Variants in IMMP2L observed in about 807,000 individuals in gnomAD.
The protein encoded by IMMP2L is inner mitochondrial membrane peptidase subunit 2.
Under a neutral mutation model 19.3 loss-of-function variants are expected in IMMP2L, and 18 were observed. The ratio of observed to expected loss-of-function variants is 0.93; its 90% CI spans 0.64 to 1.38. The LOEUF is 1.38. Ranked by LOEUF, IMMP2L falls within the 40% of genes most tolerant of loss-of-function variation. IMMP2L has a pLI of 0.00. For missense variants in IMMP2L, 233 were observed against 218.2 expected (o/e 1.07, Z -0.43); for synonymous variants, 76 against 73.0 (o/e 1.04, Z -0.21).
intron 5 of IMMP2L, among the ~76,000 whole-genome samples, chr7:110,821,669 T>C (rs577216606): frequency 1.4e-4 from 22 of 152,044 alleles, no homozygotes; most frequent in Admixed American, 1.4e-3. Context: ...TCCCAGCACT[T>C]TGGGAGGCCG....
At chr7:110,887,109 G>A (rs1036683242) in intron 4 of IMMP2L, among the ~76,000 whole-genome samples, 12 of 151,068 alleles carry the variant, frequency 7.9e-5, no homozygotes, top group African/African-American at 1.7e-4. Flanking sequence ...CATTTTTTTC[G>A]GTCAAACTTC....
Position 110,997,579 on chromosome 7 carries a change from C to T in IMMP2L, c.240-34014G>A, listed in dbSNP as rs190732582. On this transcript the variant is annotated intron_variant, in intron 3 of 5. Coordinates refer to ENST00000405709, the MANE Select transcript of IMMP2L (RefSeq NM_032549.4). ...TTCTAATAGCTGTGTAGTGATATCT[C>T]ATTGTTTTTAATTTGCATTTCCTTA... Among the ~76,000 whole-genome samples the T allele has an allele frequency of 9.2e-5, 14 of 152,196 alleles. No individual in the cohort carries two copies. The East Asian group carries it at 2.7e-3, about 29-fold the overall frequency.
At chr7:110,892,547 G>C (rs916567505) in intron 4 of IMMP2L, among the ~76,000 whole-genome samples, 5 of 152,002 alleles carry the variant, frequency 3.3e-5, no homozygotes, top group African/African-American at 1.2e-4. Context: ...TCAATTTTCA[G>C]AGGGCTAAAG....
chr7:111,275,471 T>C (rs1361049934), intron 3 of IMMP2L, among the ~76,000 whole-genome samples: 1 of 152,136 alleles, frequency 6.6e-6, no homozygotes, highest in Non-Finnish European at 1.5e-5. Flanking sequence ...CAAAAACAGT[T>C]GTGGGGGACT....
intron 3 of IMMP2L, among the ~76,000 whole-genome samples, chr7:111,148,493 A>G (rs1266364641): frequency 6.6e-6 from 1 of 152,108 alleles, no homozygotes; most frequent in Non-Finnish European, 1.5e-5. Flanking sequence ...TACGTACATT[A>G]AAAGTGTGAA....
At chr7:110,838,396 C>T (rs938406819) in intron 5 of IMMP2L, among the ~76,000 whole-genome samples, 2 of 152,168 alleles carry the variant, frequency 1.3e-5, no homozygotes, top group Non-Finnish European at 2.9e-5. Flanking sequence ...TTATAGGTTG[C>T]TATGGTTTGA....
chr7:111,418,918 T>G lies in IMMP2L; in HGVS notation c.239+68320A>C, dbSNP rs940488124. Among the ~76,000 whole-genome samples, 19 of 151,982 alleles carry G rather than the reference T, an allele frequency of 1.3e-4. 1 individual carries two copies. The highest frequency in any genetic ancestry group is 4.6e-4 in the African/African-American group (19 of 41,294). ...CCTAAGTTTTCTTTGATTTACAGTT[T>G]ATTTCATACTCTTTATATTTCATTA... On this transcript the variant is annotated intron_variant, in intron 3 of 5. Transcript: ENST00000405709.
chr7:111,095,865 T>C (rs1797345986), intron 3 of IMMP2L, among the ~76,000 whole-genome samples: 1 of 151,976 alleles, frequency 6.6e-6, no homozygotes, highest in Admixed American at 6.6e-5. Flanking sequence ...AATAAATATA[T>C]TATCAGGACA....
Position 111,286,481 on chromosome 7 carries a change from C to T in IMMP2L, c.239+200757G>A, listed in dbSNP as rs562284266. On this transcript the variant is annotated intron_variant, in intron 3 of 5. Transcript: ENST00000405709. ...CAATTCTCAAAGGGCCAAAACTCTACGATGATGTGGCTTGAATTAAAAGAA... is the reference window on the plus strand; with the variant it reads ...CAATTCTCAAAGGGCCAAAACTCTATGATGATGTGGCTTGAATTAAAAGAA... Among the ~76,000 whole-genome samples the T allele has an allele frequency of 2.6e-5, 4 of 152,176 alleles. No homozygotes were observed. In the East Asian group the frequency reaches 5.8e-4, roughly 22 times the overall value.
At chr7:110,796,698 T>C (rs1800884955) in intron 5 of IMMP2L, among the ~76,000 whole-genome samples, 1 of 152,004 alleles carries the variant, frequency 6.6e-6, no homozygotes, top group South Asian at 2.1e-4. Flanking sequence ...AGATTTCACA[T>C]ACCAACAAAA....
At chr7:111,111,942 G>GTTTGTT (rs1799264812) in intron 3 of IMMP2L, among the ~76,000 whole-genome samples, 1 of 84,126 alleles carries the variant, frequency 1.2e-5, no homozygotes, top group African/African-American at 5.0e-5. Flanking sequence ...TATATAGTTT[G>GTTTGTT]TTTTTTTTTT....
intron 3 of IMMP2L, among the ~76,000 whole-genome samples, chr7:111,172,045 C>A (rs536082494): frequency 2.0e-5 from 3 of 151,220 alleles, no homozygotes; most frequent in South Asian, 2.1e-4. Context: ...TAATCTCAAT[C>A]AAAAAAGTAG....
At chr7:111,450,084 T>C (rs1018328357) in intron 3 of IMMP2L, among the ~76,000 whole-genome samples, 10 of 151,828 alleles carry the variant, frequency 6.6e-5, no homozygotes, top group African/African-American at 2.4e-4. Context: ...TGGAAGAACA[T>C]TCCATGCTCA....
At chr7:110,932,978 A>C (rs1237694454) in intron 4 of IMMP2L, among the ~76,000 whole-genome samples, 1 of 152,226 alleles carries the variant, frequency 6.6e-6, no homozygotes, top group Non-Finnish European at 1.5e-5. Context: ...AAAGAGCTCT[A>C]ACTCTCTTTA....
At chr7:111,238,689 C>T (rs998944062) in intron 3 of IMMP2L, among the ~76,000 whole-genome samples, 2 of 151,904 alleles carry the variant, frequency 1.3e-5, no homozygotes, top group African/African-American at 4.8e-5. Flanking sequence ...ATGACATAAG[C>T]TGAAGTGAAA....
At chr7:110,675,831 G>T (rs999982574) in intron 5 of IMMP2L, among the ~76,000 whole-genome samples, 7 of 152,140 alleles carry the variant, frequency 4.6e-5, no homozygotes, top group East Asian at 1.9e-4. Context: ...AGTGAAGGGG[G>T]TTATTAATAA....
chr7:111,047,817 A>C (rs1792558404), intron 3 of IMMP2L, among the ~76,000 whole-genome samples: 1 of 152,186 alleles, frequency 6.6e-6, no homozygotes, highest in South Asian at 2.1e-4. Context: ...CCAAAGACAG[A>C]CAGCCACCAA....
Position 111,053,083 on chromosome 7 carries a change from G to A in IMMP2L, c.240-89518C>T, listed in dbSNP as rs114348671. Reference sequence around the variant, plus strand: ...CTAAGGGCCATAACGCAGAAGCAGAGACCAAGGCAAGTTTTAGAGTATGAA... The same window carrying A: ...CTAAGGGCCATAACGCAGAAGCAGAAACCAAGGCAAGTTTTAGAGTATGAA... On this transcript the variant is annotated intron_variant, in intron 3 of 5. Coordinates refer to ENST00000405709, the MANE Select transcript of IMMP2L (RefSeq NM_032549.4). 5.6e-3 allele frequency among the ~76,000 whole-genome samples: 857 copies of A among 152,306 alleles called. 13 individuals carry two copies. The highest frequency in any genetic ancestry group is 0.02 in the African/African-American group (822 of 41,556).
intron 5 of IMMP2L, among the ~76,000 whole-genome samples, chr7:110,851,697 G>A (rs574575261): frequency 2.6e-5 from 4 of 152,184 alleles, no homozygotes; most frequent in African/African-American, 7.2e-5. Flanking sequence ...ACAAAATTAT[G>A]ACACAAAAGC....
Sources: allele counts gnomAD v4.1 joint callset (sites outside exome capture counted in the v4.1 genomes callset), GRCh38; gene constraint gnomAD v4.1.1; transcripts MANE v1.5; gene names NCBI Gene and HGNC (gene_info 2026-07-23, HGNC 2026-07-21).